CHRM5: variants seen among roughly 807,000 people sequenced by gnomAD.
CHRM5 encodes muscarinic acetylcholine receptor M5.
CHRM5 carries 18 observed loss-of-function variants against 39.0 expected under a neutral mutation model. That is an observed-to-expected ratio of 0.46 (90% CI 0.32 to 0.68). The LOEUF is 0.68. Ranked by LOEUF, CHRM5 falls within the 30% of genes least tolerant of loss-of-function variation. The pLI is 0.04. For synonymous variants in CHRM5, 241 were observed against 246.3 expected, an observed-to-expected ratio of 0.98 and a Z score of 0.20; for missense variants, 515 against 651.1, an observed-to-expected ratio of 0.79 and a Z score of 2.28.
chr15:33,975,585 TG>T, intron 1 of CHRM5, among the ~76,000 whole-genome samples: 1 of 152,232 alleles, frequency 6.6e-6, no homozygotes, highest in Non-Finnish European at 1.5e-5. Context: ...AGTGAGAATT[TG>T]TCATAATAGA....
chr15:34,062,364 C>G (rs1028139947), intron 2 of CHRM5, among the ~76,000 whole-genome samples: 4 of 151,812 alleles, frequency 2.6e-5, no homozygotes, highest in Admixed American at 1.3e-4. Context: ...GACCATCCCG[C>G]CTAACACAGT....
intron 2 of CHRM5, among the ~76,000 whole-genome samples, chr15:34,054,922 G>A (rs71464844): frequency 0.18 from 27,145 of 152,254 alleles, 2,755 homozygotes; most frequent in Middle Eastern, 0.28. Flanking sequence ...GCTGGGTGCG[G>A]TGGCTCACAC....
Position 34,063,299 on chromosome 15 carries a change from T to C in CHRM5, c.582T>C (p.Thr194=). 6.2e-7 allele frequency: 1 copy of C among 1,614,160 alleles called. No individual in the cohort carries two copies. Residue 194 remains threonine (T), a synonymous_variant, in exon 3 of 3, where the codon ACT becomes ACC. Coordinates refer to ENST00000383263, the MANE Select transcript of CHRM5 (RefSeq NM_012125.4). This position sits in a 1 kb window ranked among gnomAD's most constrained non-coding sequence, Gnocchi z 4.1. ...QIQFLSEPTI[T]FGTAIAAFYI... ...AGTTTCTCTCTGAGCCCACCATCAC[T>C]TTTGGCACTGCCATTGCTGCCTTCT...
intron 1 of CHRM5, among the ~76,000 whole-genome samples, chr15:34,006,850 C>A (rs1897373375): frequency 6.6e-6 from 1 of 152,088 alleles, no homozygotes; most frequent in Non-Finnish European, 1.5e-5. Context: ...ATCTTAAAAA[C>A]TAGAGGTTTT....
chr15:34,042,985 C>T (rs1012447731), intron 1 of CHRM5, among the ~76,000 whole-genome samples: 16 of 151,974 alleles, frequency 1.1e-4, no homozygotes, highest in Admixed American at 3.9e-4. Context: ...CGGTGGCTCA[C>T]GCCTGTAATC....
intron 1 of CHRM5, among the ~76,000 whole-genome samples, chr15:33,992,204 G>C (rs893078326): frequency 6.6e-6 from 1 of 152,178 alleles, no homozygotes; most frequent in African/African-American, 2.4e-5. Flanking sequence ...TGGCTAACAA[G>C]GTGAAACCCC....
intron 1 of CHRM5, among the ~76,000 whole-genome samples, chr15:34,015,211 C>T (rs943343500): frequency 6.6e-6 from 1 of 152,156 alleles, no homozygotes; most frequent in African/African-American, 2.4e-5. Flanking sequence ...AGGCCGGGCG[C>T]AGTGGCTCAC....
At chr15:34,025,964 T>C (rs1898449620) in intron 1 of CHRM5, among the ~76,000 whole-genome samples, 1 of 152,204 alleles carries the variant, frequency 6.6e-6, no homozygotes, top group Non-Finnish European at 1.5e-5. Flanking sequence ...GTCTTCCCTA[T>C]TTTTATAATC....
chr15:34,057,959 A>G (rs551966793), intron 2 of CHRM5, among the ~76,000 whole-genome samples: 1 of 152,100 alleles, frequency 6.6e-6, no homozygotes, highest in South Asian at 2.1e-4. Context: ...AGAGAGAGAG[A>G]TTTATTTTTA....
chr15:34,003,957 T>G, intron 1 of CHRM5, among the ~76,000 whole-genome samples: 1 of 152,192 alleles, frequency 6.6e-6, no homozygotes, highest in East Asian at 1.9e-4. Context: ...AGGAGACAAA[T>G]TACTGACAAA....
intron 1 of CHRM5, among the ~76,000 whole-genome samples, chr15:33,998,712 CT>C (rs2140606138): frequency 6.6e-6 from 1 of 152,320 alleles, no homozygotes; most frequent in African/African-American, 2.4e-5. Context: ...TTGTCATCAA[CT>C]GCATTTGATA....
chr15:34,035,859 A>G (rs1487816186), intron 1 of CHRM5, among the ~76,000 whole-genome samples: 1 of 152,176 alleles, frequency 6.6e-6, no homozygotes, highest in Non-Finnish European at 1.5e-5. Context: ...CAGTGGCAGG[A>G]TCACAGCTCA....
At chr15:33,988,161 G>A (rs1597317252) in intron 1 of CHRM5, among the ~76,000 whole-genome samples, 2 of 152,198 alleles carry the variant, frequency 1.3e-5, no homozygotes, top group African/African-American at 4.8e-5. Flanking sequence ...TGAAGCTGCA[G>A]ACCAAGTGTA....
intron 1 of CHRM5, among the ~76,000 whole-genome samples, chr15:34,021,811 C>T (rs1018729828): frequency 2.0e-5 from 3 of 152,002 alleles, no homozygotes; most frequent in Non-Finnish European, 4.4e-5. Context: ...GCCGAGGTTG[C>T]GCCACTGCAC....
chr15:34,010,534 A>G (rs1044251547), intron 1 of CHRM5, among the ~76,000 whole-genome samples: 5 of 152,212 alleles, frequency 3.3e-5, no homozygotes, highest in African/African-American at 1.2e-4. Flanking sequence ...GCAAAAAGGT[A>G]TAGAAAAGGC....
intron 1 of CHRM5, among the ~76,000 whole-genome samples, chr15:33,979,639 G>C (rs1896048010): frequency 6.6e-6 from 1 of 152,038 alleles, no homozygotes; most frequent in Non-Finnish European, 1.5e-5. Context: ...GAAAGATTTG[G>C]ACCAAATGTT....
chr15:34,018,921 T>G lies in CHRM5; in HGVS notation c.-407-27619T>G, dbSNP rs1454552739. Reference sequence around the variant, plus strand: ...TGCTGATTGGTGCATTTTTACAGAGTGCTGATTGGTGTTTTTTACAATCCT... The same window carrying G: ...TGCTGATTGGTGCATTTTTACAGAGGGCTGATTGGTGTTTTTTACAATCCT... On this transcript the variant is annotated intron_variant, in intron 1 of 2. Transcript: ENST00000383263. Among the ~76,000 whole-genome samples, 3 of 151,826 alleles carry G rather than the reference T, an allele frequency of 2.0e-5. No individual in the cohort carries two copies. The East Asian group carries it at 5.8e-4, about 29-fold the overall frequency.
At chr15:34,019,001 A>G (rs1304541683) in intron 1 of CHRM5, among the ~76,000 whole-genome samples, 2 of 151,894 alleles carry the variant, frequency 1.3e-5, no homozygotes, top group Admixed American at 1.3e-4. Flanking sequence ...TCATTGGTGC[A>G]TCTACAATCT....
chr15:34,015,038 C>G (rs1223615321), intron 1 of CHRM5, among the ~76,000 whole-genome samples: 2 of 152,074 alleles, frequency 1.3e-5, no homozygotes. Flanking sequence ...GTCCTGAAGC[C>G]TGAAAAGCTG....
Sources: allele counts gnomAD v4.1 joint callset (sites outside exome capture counted in the v4.1 genomes callset), GRCh38; gene constraint gnomAD v4.1.1; non-coding constraint Gnocchi (gnomAD v3.1); transcripts MANE v1.5; gene names NCBI Gene and HGNC (gene_info 2026-07-23, HGNC 2026-07-21).